COL25A1: variants seen among roughly 807,000 people sequenced by gnomAD.
The protein encoded by COL25A1 is collagen type XXV alpha 1 chain, also known as collagen alpha-1(XXV) chain.
In COL25A1, 103 loss-of-function variants were observed where a neutral mutation model predicts 128.4. That is an observed-to-expected ratio of 0.80 (90% CI 0.68 to 0.94). The LOEUF is 0.94. Among genes scored for constraint, COL25A1 ranks in the 40% least tolerant of loss-of-function variants. COL25A1 has a pLI of 0.00. For missense variants in COL25A1, 745 were observed against 840.0 expected, an observed-to-expected ratio of 0.89 and a Z score of 1.40; for synonymous variants, 279 against 277.2, an observed-to-expected ratio of 1.01 and a Z score of -0.06.
intron 13 of COL25A1, among the ~76,000 whole-genome samples, chr4:108,913,261 C>CTTTTTTTTTTTTTTTTTTTTT (rs201929872): frequency 6.5e-5 from 6 of 92,392 alleles, no homozygotes; most frequent in Admixed American, 1.5e-4. Flanking sequence ...TCTCTAGCTC[C>CTTTTTTTTTTTTTTTTTTTTT]TTTTTTTTTT....
At chr4:109,134,781 C>A (rs1769551228) in intron 3 of COL25A1, among the ~76,000 whole-genome samples, 1 of 152,032 alleles carries the variant, frequency 6.6e-6, no homozygotes, top group South Asian at 2.1e-4. Flanking sequence ...TGCCTGCAAA[C>A]AACTACGTGG....
intron 36 of COL25A1, among the ~76,000 whole-genome samples, chr4:108,818,773 G>A (rs916554641): frequency 6.6e-6 from 1 of 151,950 alleles, no homozygotes; most frequent in Non-Finnish European, 1.5e-5. Flanking sequence ...TCTTGAATTG[G>A]TTAACACTTG....
In COL25A1 at chr4:108,879,608, C is replaced by T. The variant is rs1215726130; in HGVS notation, c.1020+4570G>A. 3.3e-5 allele frequency among the ~76,000 whole-genome samples: 5 copies of T among 151,772 alleles called. 1 individual carries two copies. Among genetic ancestry groups the T allele is most frequent in the South Asian group, 4.2e-4 (2 of 4,808 alleles). ...GACTACAGGCATGCGCCACCACACT[C>T]GGGTATTTTTGTATTTTTAGTAGAG... On this transcript the variant is annotated intron_variant, in intron 19 of 37. Transcript: ENST00000399132.
At position 109,210,730 on chromosome 4, in the gene COL25A1, C is replaced by T. The variant is rs536462019; in HGVS notation, c.367+89853G>A. ...AGTCTCCTGCGATAATTAAGTGATG[C>T]CAACATCACTCCATGTTCCAGCTGT... is the stretch of plus-strand genomic sequence containing the variant. On this transcript the variant is annotated intron_variant, in intron 3 of 37. Coordinates refer to ENST00000399132, the MANE Select transcript of COL25A1 (RefSeq NM_198721.4). Among the ~76,000 whole-genome samples, 15 of 152,202 alleles carry T rather than the reference C, an allele frequency of 9.9e-5. No homozygotes were observed. In the East Asian group the frequency reaches 2.9e-3, roughly 29 times the overall value.
intron 3 of COL25A1, among the ~76,000 whole-genome samples, chr4:109,198,123 G>A (rs777636520): frequency 3.3e-5 from 5 of 151,576 alleles, no homozygotes; most frequent in East Asian, 3.9e-4. Flanking sequence ...ATCTTACCCC[G>A]GTCGTCTCAA....
At chr4:109,264,882 T>C (rs1340444166) in intron 3 of COL25A1, among the ~76,000 whole-genome samples, 4 of 152,234 alleles carry the variant, frequency 2.6e-5, no homozygotes, top group Non-Finnish European at 5.9e-5. Context: ...ACTTTCATTA[T>C]ATTTTATAAA....
intron 32 of COL25A1, among the ~76,000 whole-genome samples, chr4:108,830,506 A>G (rs1732962153): frequency 1.3e-5 from 2 of 152,216 alleles, no homozygotes; most frequent in Admixed American, 1.3e-4. Context: ...GCCTCTATCA[A>G]TTAACTCTGA....
At position 109,104,419 on chromosome 4, in the gene COL25A1, T is replaced by TC. The variant is rs61092687; in HGVS notation, c.368-54241_368-54240insG. On this transcript the variant is annotated intron_variant, in intron 3 of 37. Transcript: ENST00000399132. ...GGAAATCACTCTCTCTCTCTCTCTCTTTTTTGCAATCTGTAATGAATTAAT... is the reference window on the plus strand; with the variant it reads ...GGAAATCACTCTCTCTCTCTCTCTCTCTTTTTGCAATCTGTAATGAATTAAT... Among the ~76,000 whole-genome samples the TC allele has an allele frequency of 6.6e-4, 100 of 151,196 alleles. 1 individual carries two copies. Among genetic ancestry groups the TC allele is most frequent in the South Asian group, 6.3e-4 (3 of 4,762 alleles).
At chr4:109,162,524 T>G (rs1772674622) in intron 3 of COL25A1, among the ~76,000 whole-genome samples, 1 of 152,220 alleles carries the variant, frequency 6.6e-6, no homozygotes, top group South Asian at 2.1e-4. Context: ...ATCATTTTTA[T>G]TTACCTACTT....
At chr4:109,227,254 G>T (rs562444064) in intron 3 of COL25A1, among the ~76,000 whole-genome samples, 1 of 123,524 alleles carries the variant, frequency 8.1e-6, no homozygotes, top group Non-Finnish European at 1.6e-5. Flanking sequence ...AGTCAAATTC[G>T]CAGCAAAAAA....
At chr4:108,924,822 C>T (rs1156877201) in intron 11 of COL25A1, among the ~76,000 whole-genome samples, 14 of 152,276 alleles carry the variant, frequency 9.2e-5, no homozygotes, top group African/African-American at 3.4e-4. Flanking sequence ...GCCAGGCTTC[C>T]ACATTTCTAC....
chr4:108,823,698 T>C (rs1732040264), intron 35 of COL25A1, among the ~76,000 whole-genome samples: 1 of 152,168 alleles, frequency 6.6e-6, no homozygotes, highest in Admixed American at 6.5e-5. Context: ...TACTGTAGTT[T>C]ATCAGTCACA....
At chr4:109,025,077 T>C (rs1758128693) in intron 5 of COL25A1, among the ~76,000 whole-genome samples, 1 of 152,138 alleles carries the variant, frequency 6.6e-6, no homozygotes, top group Admixed American at 6.6e-5. Flanking sequence ...TTTTATGGAG[T>C]TGTATAAATA....
At chr4:108,998,469 C>T (rs1195592117) in intron 6 of COL25A1, among the ~76,000 whole-genome samples, 1 of 152,124 alleles carries the variant, frequency 6.6e-6, no homozygotes, top group Admixed American at 6.6e-5. Flanking sequence ...TAAAAGATGA[C>T]ACAAACAAAT....
At chr4:109,036,469 T>A (rs995989094) in intron 5 of COL25A1, among the ~76,000 whole-genome samples, 3 of 152,298 alleles carry the variant, frequency 2.0e-5, no homozygotes, top group Admixed American at 2.0e-4. Flanking sequence ...CCTGATCAGC[T>A]TTCCAGACAT....
rs375922534 is a variant in COL25A1, at chr4:108,945,272, CA to C, written c.493-3836del. Among the ~76,000 whole-genome samples the C allele has an allele frequency of 5.0e-3, 764 of 152,164 alleles. 3 individuals carry two copies. The highest frequency in any genetic ancestry group is 8.6e-3 in the Non-Finnish European group (588 of 68,010). On this transcript the variant is annotated intron_variant, in intron 8 of 37. Coordinates refer to ENST00000399132, the MANE Select transcript of COL25A1 (RefSeq NM_198721.4). ...CATTTGATGGTGGTAAAAAAAATCC[CA>C]TTTCACAGGGGCTGCCTCCAGATCC...
chr4:109,197,464 TATATATA>T (rs1399636795), intron 3 of COL25A1, among the ~76,000 whole-genome samples: 1 of 70,464 alleles, frequency 1.4e-5, no homozygotes, highest in Non-Finnish European at 3.2e-5. Context: ...ATATAAATAT[TATATATA>T]ATATATATTA....
At chr4:109,143,504 C>T (rs1770636182) in intron 3 of COL25A1, among the ~76,000 whole-genome samples, 1 of 152,076 alleles carries the variant, frequency 6.6e-6, no homozygotes, top group African/African-American at 2.4e-5. Context: ...GAGTGTCTTC[C>T]AACTTGATTC....
At chr4:108,981,157 AC>A (rs1475349428) in intron 6 of COL25A1, among the ~76,000 whole-genome samples, 1 of 152,242 alleles carries the variant, frequency 6.6e-6, no homozygotes, top group Non-Finnish European at 1.5e-5. Flanking sequence ...CTAGTGTTTT[AC>A]TTGAAAAATA....
Sources: gnomAD v4.1 joint callset for allele counts (sites outside exome capture counted in the v4.1 genomes callset) on GRCh38, gnomAD v4.1.1 for gene constraint, MANE v1.5 for transcripts, NCBI Gene and HGNC (gene_info 2026-07-23, HGNC 2026-07-21) for gene names.